Variants in DNAH17 observed in about 807,000 individuals in gnomAD.
DNAH17 encodes axonemal beta dynein heavy chain 17.
In DNAH17, 376 loss-of-function variants were observed where a neutral mutation model predicts 485.6. The ratio of observed to expected loss-of-function variants is 0.77; its 90% CI spans 0.71 to 0.84. DNAH17 has a LOEUF of 0.84. DNAH17 is among the 40% of genes least tolerant of loss of function. The probability of loss-of-function intolerance (pLI) is 0.00; values close to 1 mark genes in which losing one functional copy is unlikely to be tolerated. For missense variants in DNAH17, 6,370 were observed against 5,839.3 expected (o/e 1.09, Z -2.96); for synonymous variants, 3,031 against 2,405.9 (o/e 1.26, Z -7.60).
intron 18 of DNAH17, among the ~76,000 whole-genome samples, chr17:78,538,148 A>G (rs1477696452): frequency 1.4e-5 from 2 of 148,010 alleles, no homozygotes; most frequent in Non-Finnish European, 3.0e-5. Flanking sequence ...CAAAAAAAAA[A>G]AAAAAAAAAA....
chr17:78,570,886 G>GAAAAGAAAAAAAAAAAAAAGAA (rs2092346101), intron 6 of DNAH17, 62 bp downstream of exon 6: 2 of 469,694 alleles, frequency 4.3e-6, no homozygotes, highest in African/African-American at 5.5e-5. Flanking sequence ...AAAGAAAAAA[G>GAAAAGAAAAAAAAAAAAAAGAA]AAAAGAAAAG....
intron 77 of DNAH17, 137 bp downstream of exon 77, chr17:78,428,388 G>C: frequency 9.1e-7 from 1 of 1,104,450 alleles, no homozygotes; most frequent in Non-Finnish European, 1.3e-6. Context: ...CAGTGTTTCT[G>C]ATACCCAAGC....
intron 80 of DNAH17, chr17:78,425,057 A>G (rs2086373818): frequency 3.7e-6 from 1 of 268,784 alleles, no homozygotes; most frequent in South Asian, 7.7e-5. Context: ...GCTTTTCATC[A>G]CGTCGGAGCT....
chr17:78,558,889 G>A (rs923916779), intron 13 of DNAH17, among the ~76,000 whole-genome samples: 1 of 152,132 alleles, frequency 6.6e-6, no homozygotes, highest in Admixed American at 6.5e-5. Context: ...TGAATCCACT[G>A]GTCACATCAC....
At chr17:78,537,968 G>A (rs565222443) in intron 18 of DNAH17, among the ~76,000 whole-genome samples, 5 of 152,204 alleles carry the variant, frequency 3.3e-5, no homozygotes, top group South Asian at 2.1e-4. Context: ...GCGAAGCCCC[G>A]TCTCTACTAA....
chr17:78,494,195 T>C (rs1462062455), intron 40 of DNAH17, 22 bp from the exon 41 acceptor site: 1 of 1,599,850 alleles, frequency 6.3e-7, no homozygotes, highest in Admixed American at 1.7e-5. Context: ...TGGATGAGGC[T>C]GGGTGAGGAA....
intron 2 of DNAH17, among the ~76,000 whole-genome samples, 173 bp downstream of exon 2, chr17:78,574,540 G>A (rs1472055795): frequency 1.1e-4 from 17 of 152,064 alleles, no homozygotes; most frequent in Non-Finnish European, 2.5e-4. Context: ...AAGCAAGCAG[G>A]TCTGTCTCAG....
At chr17:78,473,562 AAAAG>A (rs1250268358) in intron 54 of DNAH17, among the ~76,000 whole-genome samples, 1 of 151,218 alleles carries the variant, frequency 6.6e-6, no homozygotes, top group Non-Finnish European at 1.5e-5. Context: ...AAAAAAAAAA[AAAAG>A]AAATGACAGT....
At chr17:78,522,498 G>A in intron 25 of DNAH17, 1 of 336,232 alleles carries the variant, frequency 3.0e-6, no homozygotes, top group South Asian at 2.6e-5. Flanking sequence ...AGGAGAAAGG[G>A]GCCTCACGAG....
chr17:78,446,440 C>T (rs2087304353), intron 69 of DNAH17, among the ~76,000 whole-genome samples: 1 of 152,090 alleles, frequency 6.6e-6, no homozygotes, highest in South Asian at 2.1e-4. Context: ...TTGCATCTGG[C>T]ATCTTTCACT....
At chr17:78,493,043 G>A in intron 41 of DNAH17, 1 of 261,052 alleles carries the variant, frequency 3.8e-6, no homozygotes. Flanking sequence ...TAGAGACAGG[G>A]TTTCACCATG....
At chr17:78,431,181 G>A (rs993241476) in intron 75 of DNAH17, among the ~76,000 whole-genome samples, 1 of 74,852 alleles carries the variant, frequency 1.3e-5, no homozygotes, top group African/African-American at 4.7e-5. Flanking sequence ...ACTCGGCTTA[G>A]TCTCATGACT....
At chr17:78,552,147 G>A (rs1257846262) in intron 15 of DNAH17, among the ~76,000 whole-genome samples, 1 of 152,152 alleles carries the variant, frequency 6.6e-6, no homozygotes, top group East Asian at 1.9e-4. Flanking sequence ...TTGGACATAG[G>A]GTTTGGAGAA....
intron 74 of DNAH17, among the ~76,000 whole-genome samples, chr17:78,434,637 T>A (rs1292141466): frequency 7.6e-6 from 1 of 132,318 alleles, no homozygotes; most frequent in African/African-American, 2.9e-5. Context: ...GGATGGGGGA[T>A]GGGATAGAGG....
chr17:78,476,682 G>A lies in DNAH17; in HGVS notation c.8044C>T (p.Arg2682Cys), dbSNP rs749280148. 1.5e-5 allele frequency: 24 copies of A among 1,612,860 alleles called. No homozygotes were observed. The highest frequency in any genetic ancestry group is 2.2e-5 in the South Asian group (2 of 90,806). The stretch of plus-strand genomic sequence containing the variant: ...CGTTCAGTCTCATGTAGCCAAAGGC[G>A]GACGAGGTCCAGTGGGGTTTTCAGA... ...EVLKTPLDLV[R>C]LWLHETERVY... Residue 2682 changes from arginine (R) to cysteine (C), a missense_variant, in exon 52 of 81, where the codon CGC becomes TGC. Transcript: ENST00000389840.
At chr17:78,563,544 C>T (rs769144936) in intron 11 of DNAH17, among the ~76,000 whole-genome samples, 2 of 152,190 alleles carry the variant, frequency 1.3e-5, no homozygotes, top group Non-Finnish European at 2.9e-5. Flanking sequence ...AATCCCAACA[C>T]TTTGAGGGGC....
chr17:78,445,711 C>T lies in DNAH17; in HGVS notation c.11212-31G>A, dbSNP rs1043515376. On this transcript the variant is annotated intron_variant, in intron 69 of 80. Coordinates refer to ENST00000389840, the MANE Select transcript of DNAH17 (RefSeq NM_173628.4). ...GGAACATCGAGGTGTACACACTTAA[C>T]GCAGCCAGTAAAACGTCAGCAGCCC... 10 of 1,580,892 alleles carry T rather than the reference C, an allele frequency of 6.3e-6. No homozygotes were observed. In the Admixed American group the frequency reaches 1.1e-4, roughly 17 times the overall value.
intron 44 of DNAH17, among the ~76,000 whole-genome samples, chr17:78,488,471 T>C (rs1260654506): frequency 6.6e-6 from 1 of 152,202 alleles, no homozygotes; most frequent in African/African-American, 2.4e-5. Flanking sequence ...CCTTCGTTTC[T>C]GGCTCCCTCT....
Position 78,445,685 on chromosome 17 carries a change from G to T in DNAH17, c.11212-5C>A. On this transcript the variant is annotated splice_polypyrimidine_tract_variant and splice_region_variant and intron_variant, in intron 69 of 80. Transcript: ENST00000389840. ...CTCCTTCTTCATGGACAGGACCTGG[G>T]GGAACATCGAGGTGTACACACTTAA... The T allele has an allele frequency of 6.3e-7, 1 of 1,590,350 alleles. No individual in the cohort carries two copies. The highest frequency in any genetic ancestry group is 8.6e-7 in the Non-Finnish European group (1 of 1,168,764).
Sources: gnomAD v4.1 joint callset for allele counts (sites outside exome capture counted in the v4.1 genomes callset) on GRCh38, gnomAD v4.1.1 for gene constraint, MANE v1.5 for transcripts, NCBI Gene and HGNC (gene_info 2026-07-23, HGNC 2026-07-21) for gene names.